Variants in GPC5 observed in about 807,000 individuals in gnomAD.
GPC5 encodes glypican 5, also known as glypican-5.
GPC5 carries 47 observed loss-of-function variants against 53.9 expected under a neutral mutation model. The observed-to-expected ratio is 0.87, with a 90% CI of 0.69 to 1.11. The LOEUF is 1.11. Among genes scored for constraint, GPC5 ranks in the 50% most tolerant of loss-of-function variants. GPC5 has a pLI of 0.00. For missense variants in GPC5, 748 were observed against 713.1 expected (o/e 1.05, Z -0.56); for synonymous variants, 286 against 263.3 (o/e 1.09, Z -0.84).
intron 2 of GPC5, among the ~76,000 whole-genome samples, chr13:91,579,982 G>C (rs1010377059): frequency 6.6e-6 from 1 of 151,858 alleles, no homozygotes; most frequent in Non-Finnish European, 1.5e-5. Flanking sequence ...GTAACTTCTT[G>C]GGCAATAATT....
intron 7 of GPC5, among the ~76,000 whole-genome samples, chr13:92,415,738 G>A (rs552235524): frequency 7.9e-5 from 12 of 151,980 alleles, no homozygotes; most frequent in Admixed American, 1.3e-4. Context: ...AGTGAGCTAC[G>A]CAGAACAGAC....
At chr13:92,133,725 G>A (rs1335746250) in intron 6 of GPC5, among the ~76,000 whole-genome samples, 1 of 152,148 alleles carries the variant, frequency 6.6e-6, no homozygotes, top group Non-Finnish European at 1.5e-5. Flanking sequence ...ACACAGAGTT[G>A]AGTGACACAA....
rs191728656 is a variant in GPC5 at position 91,790,749 on chromosome 13, C to G, written c.1280+34329C>G. Among the ~76,000 whole-genome samples, 12 of 152,290 alleles carry G rather than the reference C, an allele frequency of 7.9e-5. No homozygotes were observed. In the East Asian group the frequency reaches 2.1e-3, roughly 27 times the overall value. ...GTGTATTGTAAATGTAGTAGAATAG[C>G]CTCTTTGTGGTAGCAAGCTGGTTTT... On this transcript the variant is annotated intron_variant, in intron 5 of 7. Transcript: ENST00000377067.
At chr13:92,454,519 A>G (rs1376995589) in intron 7 of GPC5, among the ~76,000 whole-genome samples, 1 of 152,216 alleles carries the variant, frequency 6.6e-6, no homozygotes, top group Non-Finnish European at 1.5e-5. Context: ...ACAACTTCAC[A>G]TTAATCCTCA....
intron 2 of GPC5, among the ~76,000 whole-genome samples, chr13:91,628,048 G>A (rs967990197): frequency 3.9e-5 from 6 of 152,030 alleles, no homozygotes; most frequent in Admixed American, 3.9e-4. Flanking sequence ...AATTTTGTGT[G>A]TTTTTCTATG....
chr13:92,051,351 A>G (rs920476961), intron 6 of GPC5, among the ~76,000 whole-genome samples: 5 of 151,662 alleles, frequency 3.3e-5, no homozygotes, highest in African/African-American at 1.2e-4. Context: ...ACAGGCGCAC[A>G]CCACCACGCC....
chr13:91,500,588 G>T (rs1884568112), intron 2 of GPC5, among the ~76,000 whole-genome samples: 1 of 152,136 alleles, frequency 6.6e-6, no homozygotes, highest in Admixed American at 6.5e-5. Flanking sequence ...CCATTTTGAG[G>T]TTATCTTTGG....
chr13:91,843,754 T>C (rs560904877), intron 5 of GPC5, among the ~76,000 whole-genome samples: 1 of 152,258 alleles, frequency 6.6e-6, no homozygotes, highest in South Asian at 2.1e-4. Flanking sequence ...ATCTGGAATG[T>C]TTCTAGGGAA....
chr13:92,689,457 T>G (rs1887330248), intron 7 of GPC5, among the ~76,000 whole-genome samples: 2 of 82,450 alleles, frequency 2.4e-5, no homozygotes, highest in Non-Finnish European at 5.0e-5. Context: ...AGCCTATGTG[T>G]GTCTCTGCAC....
intron 4 of GPC5, among the ~76,000 whole-genome samples, chr13:91,755,628 A>G (rs2037273593): frequency 6.6e-6 from 1 of 152,128 alleles, no homozygotes; most frequent in Non-Finnish European, 1.5e-5. Flanking sequence ...GATAATTGAT[A>G]TGGGGAAGGA....
At chr13:92,380,639 G>A (rs992489586) in intron 7 of GPC5, among the ~76,000 whole-genome samples, 1 of 151,526 alleles carries the variant, frequency 6.6e-6, no homozygotes. Context: ...TTGTAGGGAC[G>A]TGGATGAAAT....
intron 7 of GPC5, among the ~76,000 whole-genome samples, chr13:92,632,923 C>T (rs1449813591): frequency 6.6e-6 from 1 of 152,092 alleles, no homozygotes; most frequent in Non-Finnish European, 1.5e-5. Flanking sequence ...CAGAGTTTTG[C>T]TCTGTCATCC....
intron 5 of GPC5, among the ~76,000 whole-genome samples, chr13:91,852,059 C>G (rs2038920242): frequency 6.6e-6 from 1 of 151,676 alleles, no homozygotes; most frequent in South Asian, 2.1e-4. Context: ...AGTTCTAGAT[C>G]CCTGAGGAAT....
intron 2 of GPC5, among the ~76,000 whole-genome samples, chr13:91,569,327 T>A (rs537622587): frequency 6.6e-6 from 1 of 152,228 alleles, no homozygotes; most frequent in South Asian, 2.1e-4. Flanking sequence ...AAGTTCTAGG[T>A]CAGTGTTTCT....
intron 7 of GPC5, among the ~76,000 whole-genome samples, chr13:92,274,467 A>G (rs1468310291): frequency 6.6e-6 from 1 of 152,162 alleles, no homozygotes; most frequent in Admixed American, 6.5e-5. Flanking sequence ...CTTATTGTTT[A>G]AATATCAGCT....
chr13:92,183,199 G>A (rs1201836085), intron 7 of GPC5, among the ~76,000 whole-genome samples: 1 of 152,106 alleles, frequency 6.6e-6, no homozygotes, highest in Non-Finnish European at 1.5e-5. Context: ...ATAATAAACA[G>A]TATTTTATTT....
chr13:92,421,524 C>G (rs1445095650), intron 7 of GPC5, among the ~76,000 whole-genome samples: 3 of 151,776 alleles, frequency 2.0e-5, no homozygotes, highest in Non-Finnish European at 2.9e-5. Flanking sequence ...ACGGTGAAAC[C>G]CTGTCTCTAC....
At chr13:91,959,861 T>C (rs923382419) in intron 6 of GPC5, among the ~76,000 whole-genome samples, 2 of 152,016 alleles carry the variant, frequency 1.3e-5, no homozygotes, top group African/African-American at 2.4e-5. Flanking sequence ...AAAAGCCAGA[T>C]GCAGGAAAAG....
intron 2 of GPC5, among the ~76,000 whole-genome samples, chr13:91,597,485 C>A (rs866244015): frequency 6.6e-6 from 1 of 152,074 alleles, no homozygotes; most frequent in Non-Finnish European, 1.5e-5. Flanking sequence ...GGTGTGCAAC[C>A]TCAGTTTATG....
Sources: gnomAD v4.1 joint callset for allele counts (sites outside exome capture counted in the v4.1 genomes callset) on GRCh38, gnomAD v4.1.1 for gene constraint, MANE v1.5 for transcripts, NCBI Gene and HGNC (gene_info 2026-07-23, HGNC 2026-07-21) for gene names.